The following HELZ variants were observed in gnomAD, a reference collection of about 807,000 sequenced individuals.
HELZ encodes the protein ATP-dependent RNA helicase with zinc finger domain.
In HELZ, 23 loss-of-function variants were observed where a neutral mutation model predicts 218.2. The observed-to-expected ratio is 0.11, with a 90% CI of 0.08 to 0.15. The LOEUF (loss-of-function observed/expected upper bound fraction) is 0.15, where lower values mean the gene tolerates loss of function less well. HELZ is among the 10% of genes least tolerant of loss of function. The pLI is 1.00. For missense variants in HELZ, 1,813 were observed against 2,353.7 expected (o/e 0.77, Z 4.75); for synonymous variants, 814 against 829.4 (o/e 0.98, Z 0.32).
intron 31 of HELZ, among the ~76,000 whole-genome samples, chr17:67,096,706 C>T (rs1414823665): frequency 6.6e-6 from 1 of 152,198 alleles, no homozygotes; most frequent in Non-Finnish European, 1.5e-5. Context: ...GAGTGAGGGT[C>T]TTGCTCTGGA....
intron 3 of HELZ, among the ~76,000 whole-genome samples, chr17:67,229,242 A>T (rs1168341361): frequency 1.3e-5 from 2 of 152,182 alleles, no homozygotes; most frequent in Non-Finnish European, 2.9e-5. Context: ...ATCTGGCTAC[A>T]ACCTCACTTG....
At chr17:67,144,294 G>A (rs1330525011) in intron 21 of HELZ, among the ~76,000 whole-genome samples, 1 of 152,044 alleles carries the variant, frequency 6.6e-6, no homozygotes, top group Non-Finnish European at 1.5e-5. Flanking sequence ...TGCAGGAAGA[G>A]TCCTGGAGCA....
intron 3 of HELZ, among the ~76,000 whole-genome samples, chr17:67,228,460 G>A (rs1045959580): frequency 3.9e-5 from 6 of 151,976 alleles, no homozygotes; most frequent in Admixed American, 1.3e-4. Flanking sequence ...TTAGGAGTTC[G>A]AGACCAGCCA....
intron 13 of HELZ, among the ~76,000 whole-genome samples, chr17:67,170,518 CTAAATAAA>C (rs752767544): frequency 6.6e-6 from 1 of 151,542 alleles, no homozygotes; most frequent in African/African-American, 2.4e-5. Flanking sequence ...TGTCTCTAAA[CTAAATAAA>C]TAAATAAATA....
intron 5 of HELZ, among the ~76,000 whole-genome samples, chr17:67,207,877 C>T (rs1023027436): frequency 2.6e-5 from 4 of 152,112 alleles, no homozygotes; most frequent in Admixed American, 6.5e-5. Flanking sequence ...GGCATGGCGG[C>T]GCATACCCAT....
At chr17:67,219,770 T>TAGG (rs141386308) in intron 3 of HELZ, among the ~76,000 whole-genome samples, 1,629 of 152,270 alleles carry the variant, frequency 0.011, 33 homozygotes, top group African/African-American at 0.037. Flanking sequence ...AAGAACTGGT[T>TAGG]AGAAATAGAA....
chr17:67,190,071 TA>T, intron 10 of HELZ, 85 bp downstream of exon 10: 1 of 1,161,630 alleles, frequency 8.6e-7, no homozygotes, highest in African/African-American at 1.5e-5. Flanking sequence ...GATAAGGAAA[TA>T]AACCAAAATA....
chr17:67,209,136 C>A (rs901835357), intron 5 of HELZ, among the ~76,000 whole-genome samples: 44 of 135,260 alleles, frequency 3.3e-4, no homozygotes, highest in East Asian at 1.9e-3. Flanking sequence ...AAAAAAAAAA[C>A]AACACTGGCA....
chr17:67,107,012 C>G (rs998246238), intron 31 of HELZ, among the ~76,000 whole-genome samples, 157 bp downstream of exon 31: 1 of 152,150 alleles, frequency 6.6e-6, no homozygotes, highest in Non-Finnish European at 1.5e-5. Context: ...ACCTGAAATA[C>G]AATAGGAGGG....
At chr17:67,129,944 G>C (rs764509306) in intron 23 of HELZ, among the ~76,000 whole-genome samples, 12 of 152,054 alleles carry the variant, frequency 7.9e-5, no homozygotes, top group Non-Finnish European at 1.8e-4. Context: ...TCCCAAGTTG[G>C]TATCCTTGTG....
At chr17:67,174,183 G>GA (rs371308122) in intron 13 of HELZ, among the ~76,000 whole-genome samples, 8 of 138,022 alleles carry the variant, frequency 5.8e-5, no homozygotes, top group African/African-American at 1.6e-4. Context: ...GGACTGCTTT[G>GA]AAAAAAATCA....
chr17:67,095,880 G>C (rs987737244), intron 31 of HELZ, among the ~76,000 whole-genome samples: 1 of 152,202 alleles, frequency 6.6e-6, no homozygotes, highest in African/African-American at 2.4e-5. Context: ...ATCCTTTCCA[G>C]AAGGTTTTTA....
At chr17:67,086,619 A>T (rs1276770631) in intron 32 of HELZ, among the ~76,000 whole-genome samples, 1 of 42,456 alleles carries the variant, frequency 2.4e-5, no homozygotes, top group Non-Finnish European at 4.1e-5. Flanking sequence ...TATATAAATA[A>T]ATATAAATAT....
chr17:67,169,704 A>G (rs1281725764), intron 13 of HELZ, among the ~76,000 whole-genome samples: 2 of 152,190 alleles, frequency 1.3e-5, no homozygotes, highest in African/African-American at 4.8e-5. Context: ...ATAGCCCCTA[A>G]AAGTTTTAAC....
intron 28 of HELZ, among the ~76,000 whole-genome samples, chr17:67,111,803 TAAAC>T (rs936629102): frequency 6.6e-6 from 1 of 152,346 alleles, no homozygotes; most frequent in African/African-American, 2.4e-5. Flanking sequence ...AGGTTCTTCA[TAAAC>T]AAACATTTTC....
At chr17:67,167,250 G>GTA (rs1280401136) in intron 14 of HELZ, among the ~76,000 whole-genome samples, 1 of 152,140 alleles carries the variant, frequency 6.6e-6, no homozygotes, top group Non-Finnish European at 1.5e-5. Context: ...GCTCAACCTT[G>GTA]TATAACACTG....
At chr17:67,104,161 G>A (rs916765353) in intron 31 of HELZ, among the ~76,000 whole-genome samples, 12 of 152,168 alleles carry the variant, frequency 7.9e-5, no homozygotes, top group African/African-American at 2.7e-4. Flanking sequence ...GGGGCCGGGT[G>A]CGGTGGCTCA....
intron 20 of HELZ, among the ~76,000 whole-genome samples, chr17:67,148,256 G>C (rs1204443451): frequency 1.3e-5 from 2 of 152,150 alleles, no homozygotes; most frequent in East Asian, 3.9e-4. Flanking sequence ...CTGCGGAACT[G>C]GTTGCTTATT....
chr17:67,094,194 C>T (rs1465290511), intron 31 of HELZ, among the ~76,000 whole-genome samples: 1 of 151,992 alleles, frequency 6.6e-6, no homozygotes, highest in African/African-American at 2.4e-5. Flanking sequence ...TGGTGGCATG[C>T]ATCTGTAGTC....
Sources: gnomAD v4.1 joint callset for allele counts (sites outside exome capture counted in the v4.1 genomes callset) on GRCh38, gnomAD v4.1.1 for gene constraint, MANE v1.5 for transcripts, NCBI Gene and HGNC (gene_info 2026-07-23, HGNC 2026-07-21) for gene names.